Variants in CHIC1 observed in about 807,000 individuals in gnomAD.
The protein encoded by CHIC1 is cysteine-rich hydrophobic domain-containing protein 1.
A neutral mutation model predicts 18.5 loss-of-function variants in CHIC1; 7 were observed. The observed-to-expected ratio is 0.38, with a 90% CI of 0.22 to 0.71. The LOEUF is 0.71. Ranked by LOEUF, CHIC1 falls within the 30% of genes least tolerant of loss-of-function variation. The probability of loss-of-function intolerance (pLI) is 0.49; values close to 1 mark genes in which losing one functional copy is unlikely to be tolerated. For synonymous variants in CHIC1, 77 were observed against 73.5 expected (o/e 1.05, Z -0.25); for missense variants, 159 against 176.9 (o/e 0.90, Z 0.57).
Position 73,563,566 on chromosome X carries a change from C to T in CHIC1, c.282C>T (p.Ala94=). ...YAPDPVLVRG[A]GHITVFGLSN... ...CCGACCCTGTATTAGTGCGGGGTGCCGGCCACATCACTGTGTAAGCGAGAG... is the reference window on the plus strand; with the variant it reads ...CCGACCCTGTATTAGTGCGGGGTGCTGGCCACATCACTGTGTAAGCGAGAG... The change falls in exon 1 of 6, where the codon GCC becomes GCT. Residue 94 remains alanine (A), a synonymous_variant. Transcript: ENST00000373502. 4 of 1,100,333 alleles carry T rather than the reference C, an allele frequency of 3.6e-6. No homozygotes were observed. The highest frequency in any genetic ancestry group is 4.8e-6 in the Non-Finnish European group (4 of 839,830). The allele number at this position is 1,100,333 out of a possible 1,213,427, so 90.7% of individuals were successfully genotyped here. A position where few individuals can be genotyped will look rare whatever the true frequency, so the allele number is the denominator to read the frequency against.
At chrX:73,633,320 T>G (rs987566405) in intron 3 of CHIC1, among the ~76,000 whole-genome samples, 12 of 107,150 alleles carry the variant, frequency 1.1e-4, no homozygotes, top group Admixed American at 2.0e-4. Context: ...TGATTGGCAG[T>G]TTTTTTTTCC....
intron 3 of CHIC1, among the ~76,000 whole-genome samples, chrX:73,589,907 C>T (rs2057572994): frequency 9.0e-6 from 1 of 111,187 alleles, no homozygotes; most frequent in South Asian, 3.7e-4. Flanking sequence ...GTAATTTCTG[C>T]ACTTTAAATA....
At chrX:73,642,275 A>G (rs1436551295) in intron 3 of CHIC1, among the ~76,000 whole-genome samples, 4 of 110,899 alleles carry the variant, frequency 3.6e-5, no homozygotes, top group Non-Finnish European at 7.6e-5. Context: ...GCCAGTGATG[A>G]TGAGCATTTT....
chrX:73,659,017 G>T (rs2057965750), intron 3 of CHIC1, among the ~76,000 whole-genome samples: 2 of 111,552 alleles, frequency 1.8e-5, no homozygotes, highest in Middle Eastern at 4.2e-3. Context: ...AGCAGCCATG[G>T]CCCTGACAAG....
At chrX:73,615,745 A>C (rs1003021579) in intron 3 of CHIC1, among the ~76,000 whole-genome samples, 3 of 111,202 alleles carry the variant, frequency 2.7e-5, no homozygotes, top group African/African-American at 9.8e-5. Context: ...TTTGGTACAC[A>C]GCGGCAGGGT....
At chrX:73,612,419 T>A (rs1196729466) in intron 3 of CHIC1, among the ~76,000 whole-genome samples, 1 of 112,050 alleles carries the variant, frequency 8.9e-6, no homozygotes, top group Non-Finnish European at 1.9e-5. Context: ...GAGCTTTCTA[T>A]TTTTTGTTGT....
At chrX:73,658,253 T>TTG (rs2057961083) in intron 3 of CHIC1, among the ~76,000 whole-genome samples, 1 of 81,441 alleles carries the variant, frequency 1.2e-5, no homozygotes, top group South Asian at 7.8e-4. Flanking sequence ...CCTAGGTTTT[T>TTG]TTTTTTTTTT....
rs996895073 is a variant in CHIC1, at chrX:73,602,426, G to C, written c.507+17854G>C. On this transcript the variant is annotated intron_variant, in intron 3 of 5. Transcript: ENST00000373502. ...GATTCTGGAGATTAGCCCTTTTTCA[G>C]ATGGATAGATTGCAAACATTTTCTC... Among the ~76,000 whole-genome samples, 5 of 108,499 alleles carry C rather than the reference G, an allele frequency of 4.6e-5. 1 individual carries two copies. The highest frequency in any genetic ancestry group is 1.8e-4 in the African/African-American group (5 of 27,955). 94.2% of individuals were successfully genotyped at this position (108,499 alleles called of 115,157 possible).
At chrX:73,599,406 C>A (rs1208638130) in intron 3 of CHIC1, among the ~76,000 whole-genome samples, 34 of 87,043 alleles carry the variant, frequency 3.9e-4, no homozygotes, top group African/African-American at 1.2e-3. Flanking sequence ...AAGTCCTTGC[C>A]CATGCCAATG....
intron 1 of CHIC1, among the ~76,000 whole-genome samples, chrX:73,572,680 A>G (rs2043415685): frequency 4.5e-5 from 5 of 110,640 alleles, no homozygotes. Flanking sequence ...TGTAGTTTTG[A>G]TCTGTATTTC....
At chrX:73,609,430 C>T (rs2057697893) in intron 3 of CHIC1, among the ~76,000 whole-genome samples, 1 of 108,758 alleles carries the variant, frequency 9.2e-6, no homozygotes, top group Non-Finnish European at 1.9e-5. Context: ...TAGACCATTT[C>T]TTGCTCTCTT....
At chrX:73,676,137 A>T (rs1319603791) in intron 3 of CHIC1, among the ~76,000 whole-genome samples, 1 of 111,811 alleles carries the variant, frequency 8.9e-6, no homozygotes, top group African/African-American at 3.3e-5. Flanking sequence ...GTGGGTAACC[A>T]GACCTTTCTC....
chrX:73,678,773 G>T (rs970411099), intron 3 of CHIC1, among the ~76,000 whole-genome samples: 4 of 111,760 alleles, frequency 3.6e-5, no homozygotes, highest in African/African-American at 1.3e-4. Context: ...TTTTTCCACT[G>T]GCTGTTTTTA....
chrX:73,577,504 G>A (rs752278734), intron 2 of CHIC1, 43 bp downstream of exon 2: 5 of 949,485 alleles, frequency 5.3e-6, no homozygotes, highest in Admixed American at 2.3e-5. Flanking sequence ...CTAAAGCATT[G>A]TTTTATGGCT....
At chrX:73,675,799 G>A (rs1273839569) in intron 3 of CHIC1, among the ~76,000 whole-genome samples, 8 of 110,701 alleles carry the variant, frequency 7.2e-5, no homozygotes, top group East Asian at 5.7e-4. Context: ...TATTTTGCTC[G>A]TTAGTTGATG....
intron 3 of CHIC1, among the ~76,000 whole-genome samples, chrX:73,593,046 G>T (rs1313602179): frequency 9.1e-6 from 1 of 110,494 alleles, no homozygotes. Flanking sequence ...GAGATTGGTT[G>T]TAATGTCTCC....
chrX:73,671,053 GTTTGTTT>G (rs1220815922), intron 3 of CHIC1, among the ~76,000 whole-genome samples: 1 of 111,913 alleles, frequency 8.9e-6, no homozygotes, highest in African/African-American at 3.2e-5. Context: ...TAAGTCTGAT[GTTTGTTT>G]TTTAAGTGCA....
chrX:73,636,496 G>C (rs1172163691), intron 3 of CHIC1, among the ~76,000 whole-genome samples: 1 of 111,319 alleles, frequency 9.0e-6, no homozygotes. Context: ...TTTTGGTAGA[G>C]AGTTTAATCA....
At chrX:73,633,795 G>A (rs1157109865) in intron 3 of CHIC1, among the ~76,000 whole-genome samples, 1 of 109,772 alleles carries the variant, frequency 9.1e-6, no homozygotes, top group Non-Finnish European at 1.9e-5. Flanking sequence ...TGCTGATATT[G>A]TACTCAGCTT....
Sources: allele counts gnomAD v4.1 joint callset (sites outside exome capture counted in the v4.1 genomes callset), GRCh38; gene constraint gnomAD v4.1.1; transcripts MANE v1.5; gene names NCBI Gene and HGNC (gene_info 2026-07-23, HGNC 2026-07-21).